GRIA1: variants seen among roughly 807,000 people sequenced by gnomAD.
GRIA1 encodes the protein glutamate ionotropic receptor AMPA type subunit 1, also known as glutamate receptor 1.
A neutral mutation model predicts 99.2 loss-of-function variants in GRIA1; 31 were observed. The ratio of observed to expected loss-of-function variants is 0.31; its 90% confidence interval spans 0.23 to 0.42. The LOEUF (loss-of-function observed/expected upper bound fraction) is 0.42, where lower values mean the gene tolerates loss of function less well. GRIA1 is among the 10% of genes least tolerant of loss of function. The pLI, the probability that GRIA1 is intolerant of heterozygous loss-of-function variation, is 1.00. For missense variants in GRIA1, 782 were observed against 1,157.5 expected, an observed-to-expected ratio of 0.68 and a Z score of 4.71; for synonymous variants, 438 against 432.4, an observed-to-expected ratio of 1.01 and a Z score of -0.16.
rs1374972761 is a variant in GRIA1, at chr5:153,813,763, A to C, written c.*2538A>C. On this transcript the variant is annotated 3_prime_UTR_variant, in exon 16 of 16. Coordinates refer to ENST00000285900, the MANE Select transcript of GRIA1 (RefSeq NM_000827.4). ...AGGATTCTTGCTTGATCAAACACTA[A>C]GTATTTTTTTGGTTCTTGTTTTTCT... 1 of 152,122 alleles carries C rather than the reference A, an allele frequency of 6.6e-6. No homozygotes were observed. The highest frequency in any genetic ancestry group is 1.5e-5 in the Non-Finnish European group (1 of 68,028). The allele number at this position is 152,122 out of a possible 1,614,324, so 9.4% of individuals were successfully genotyped here.
intron 13 of GRIA1, among the ~76,000 whole-genome samples, chr5:153,778,079 T>TG (rs1764379912): frequency 6.7e-6 from 1 of 150,168 alleles, no homozygotes; most frequent in East Asian, 2.0e-4. Context: ...AAGGAGGAAA[T>TG]GGGGGGATAA....
intron 2 of GRIA1, among the ~76,000 whole-genome samples, chr5:153,598,158 CAT>C (rs1411557079): frequency 2.0e-4 from 30 of 151,590 alleles, no homozygotes; most frequent in Non-Finnish European, 2.8e-4. Context: ...TATACTATCA[CAT>C]GTTATTATAT....
chr5:153,653,117 C>G lies in GRIA1; in HGVS notation c.645+2603C>G, dbSNP rs181968546. On this transcript the variant is annotated intron_variant, in intron 4 of 15. Coordinates refer to ENST00000285900, the MANE Select transcript of GRIA1 (RefSeq NM_000827.4). ...TGTTTTATTTTCTTCCCTGCTGAGT[C>G]CACAATGCCTTGGATAGTGCTTGAC... 4.3e-3 allele frequency among the ~76,000 whole-genome samples: 650 copies of G among 152,282 alleles called. 4 individuals carry two copies. The highest frequency in any genetic ancestry group is 0.014 in the African/African-American group (582 of 41,542).
At chr5:153,716,137 C>T (rs1470781843) in intron 11 of GRIA1, among the ~76,000 whole-genome samples, 1 of 152,252 alleles carries the variant, frequency 6.6e-6, no homozygotes, top group Non-Finnish European at 1.5e-5. Context: ...GTTGTACCTA[C>T]TATGTGTCAG....
intron 2 of GRIA1, among the ~76,000 whole-genome samples, chr5:153,638,510 T>C (rs1305681491): frequency 6.6e-6 from 1 of 152,242 alleles, no homozygotes; most frequent in Non-Finnish European, 1.5e-5. Flanking sequence ...ACGTGGATAG[T>C]TGTTCTGCTT....
intron 12 of GRIA1, 44 bp downstream of exon 12, chr5:153,764,676 C>A: frequency 2.2e-6 from 3 of 1,338,150 alleles, no homozygotes; most frequent in Non-Finnish European, 3.2e-6. Flanking sequence ...AAAAGGGAAC[C>A]ACAACTGTCA....
intron 11 of GRIA1, among the ~76,000 whole-genome samples, chr5:153,746,538 A>G (rs1040279148): frequency 2.0e-5 from 3 of 152,168 alleles, no homozygotes; most frequent in African/African-American, 4.8e-5. Context: ...AATGCCAGAG[A>G]TATGTTTGGC....
chr5:153,634,412 A>AAGGGG (rs1382752711), intron 2 of GRIA1, among the ~76,000 whole-genome samples: 2 of 152,102 alleles, frequency 1.3e-5, no homozygotes, highest in African/African-American at 4.8e-5. Flanking sequence ...GAAGAATGCG[A>AAGGGG]AGGGGTCAGC....
chr5:153,777,766 T>TA (rs1269079066), intron 13 of GRIA1, among the ~76,000 whole-genome samples: 1 of 152,152 alleles, frequency 6.6e-6, no homozygotes, highest in African/African-American at 2.4e-5. Flanking sequence ...GAGAACATGC[T>TA]AAAAAATAAA....
rs1481990143 is a variant in GRIA1, at chr5:153,569,595, A to C, written c.220+75530A>C. Among the ~76,000 whole-genome samples the C allele has an allele frequency of 3.3e-5, 5 of 152,184 alleles. 1 individual carries two copies. The South Asian group carries it at 1.0e-3, about 32-fold the overall frequency. ...CAGATATAAAATGATAATAACATTGACCTGAATTCTGTATTTTGTTACATT... is the reference window on the plus strand; with the variant it reads ...CAGATATAAAATGATAATAACATTGCCCTGAATTCTGTATTTTGTTACATT... On this transcript the variant is annotated intron_variant, in intron 2 of 15. Coordinates refer to ENST00000285900, the MANE Select transcript of GRIA1 (RefSeq NM_000827.4).
At chr5:153,774,424 C>A (rs183553460) in intron 13 of GRIA1, among the ~76,000 whole-genome samples, 3 of 152,084 alleles carry the variant, frequency 2.0e-5, no homozygotes, top group African/African-American at 2.4e-5. Flanking sequence ...GACTGTTTAA[C>A]TACTCACAAG....
At chr5:153,697,634 T>C (rs1758209408) in intron 8 of GRIA1, among the ~76,000 whole-genome samples, 1 of 152,190 alleles carries the variant, frequency 6.6e-6, no homozygotes, top group African/African-American at 2.4e-5. Flanking sequence ...TTAAATCATA[T>C]GATTCCAACT....
At chr5:153,792,233 A>G (rs536381173) in intron 13 of GRIA1, among the ~76,000 whole-genome samples, 59 of 152,344 alleles carry the variant, frequency 3.9e-4, no homozygotes, top group African/African-American at 1.4e-3. Context: ...TAGGATATAA[A>G]TTCCTCGTAC....
chr5:153,690,449 G>A (rs1340752730), intron 8 of GRIA1, among the ~76,000 whole-genome samples: 4 of 152,028 alleles, frequency 2.6e-5, no homozygotes, highest in African/African-American at 9.7e-5. Flanking sequence ...CTAAAAGGGT[G>A]GTAATACTCT....
intron 2 of GRIA1, among the ~76,000 whole-genome samples, chr5:153,578,838 G>C (rs1167139478): frequency 6.6e-6 from 1 of 152,182 alleles, no homozygotes; most frequent in Non-Finnish European, 1.5e-5. Context: ...AACCCGCCAG[G>C]TGGAGATTGC....
At chr5:153,790,181 G>A (rs958624341) in intron 13 of GRIA1, among the ~76,000 whole-genome samples, 3 of 152,100 alleles carry the variant, frequency 2.0e-5, no homozygotes, top group African/African-American at 4.8e-5. Context: ...GGAGGCTAAT[G>A]CATTTGGAAG....
At chr5:153,601,830 G>C (rs1764993174) in intron 2 of GRIA1, among the ~76,000 whole-genome samples, 1 of 152,160 alleles carries the variant, frequency 6.6e-6, no homozygotes, top group Non-Finnish European at 1.5e-5. Flanking sequence ...CAGAATTATA[G>C]AGTTCACAAC....
chr5:153,677,470 C>T (rs1402297426), intron 7 of GRIA1, among the ~76,000 whole-genome samples: 2 of 152,148 alleles, frequency 1.3e-5, no homozygotes, highest in South Asian at 2.1e-4. Context: ...TGAAACTGAA[C>T]CATGTTAATG....
intron 2 of GRIA1, among the ~76,000 whole-genome samples, chr5:153,613,451 C>T (rs1299851617): frequency 6.6e-6 from 1 of 152,188 alleles, no homozygotes; most frequent in Non-Finnish European, 1.5e-5. Context: ...CATCTACACA[C>T]ACATACATGT....
Sources: allele counts gnomAD v4.1 joint callset (sites outside exome capture counted in the v4.1 genomes callset), GRCh38; gene constraint gnomAD v4.1.1; transcripts MANE v1.5; gene names NCBI Gene and HGNC (gene_info 2026-07-23, HGNC 2026-07-21).